PRKN: variants seen among roughly 807,000 people sequenced by gnomAD.
The protein encoded by PRKN is parkin RBR E3 ubiquitin protein ligase.
A neutral mutation model predicts 59.5 loss-of-function variants in PRKN; 56 were observed. The observed-to-expected ratio is 0.94, with a 90% CI of 0.76 to 1.18. PRKN has a LOEUF of 1.18. Among genes scored for constraint, PRKN ranks in the 50% most tolerant of loss-of-function variants. The probability of loss-of-function intolerance (pLI) is 0.00; values close to 1 mark genes in which losing one functional copy is unlikely to be tolerated. For missense variants in PRKN, 657 were observed against 596.4 expected (o/e 1.10, Z -1.06); for synonymous variants, 250 against 222.1 (o/e 1.13, Z -1.12).
At chr6:162,047,689 A>G (rs1486733617) in intron 5 of PRKN, among the ~76,000 whole-genome samples, 1 of 152,230 alleles carries the variant, frequency 6.6e-6, no homozygotes, top group Non-Finnish European at 1.5e-5. Context: ...TAGTAATTTG[A>G]TCAAACTAAA....
At chr6:162,500,335 C>G (rs1172143845) in intron 1 of PRKN, among the ~76,000 whole-genome samples, 1 of 152,036 alleles carries the variant, frequency 6.6e-6, no homozygotes, top group Non-Finnish European at 1.5e-5. Context: ...CCACGCCCAG[C>G]TAATTTTTTG....
intron 4 of PRKN, among the ~76,000 whole-genome samples, chr6:162,078,162 T>C (rs1778911672): frequency 6.7e-6 from 1 of 148,400 alleles, no homozygotes; most frequent in Non-Finnish European, 1.5e-5. Flanking sequence ...AAAAAATGTA[T>C]GGTATCAGCC....
At chr6:162,512,327 A>C (rs1410707668) in intron 1 of PRKN, among the ~76,000 whole-genome samples, 1 of 152,198 alleles carries the variant, frequency 6.6e-6, no homozygotes, top group African/African-American at 2.4e-5. Flanking sequence ...TTACTCACAA[A>C]AGGGGGGAAA....
At chr6:162,488,981 C>T (rs1792681868) in intron 1 of PRKN, among the ~76,000 whole-genome samples, 3 of 151,982 alleles carry the variant, frequency 2.0e-5, no homozygotes, top group Non-Finnish European at 2.9e-5. Flanking sequence ...TGTGGAGATC[C>T]AGGATAAGCC....
At chr6:161,703,269 G>A (rs888600296) in intron 7 of PRKN, among the ~76,000 whole-genome samples, 2 of 152,122 alleles carry the variant, frequency 1.3e-5, no homozygotes, top group Non-Finnish European at 2.9e-5. Context: ...ACTCCAGCCA[G>A]GGCAATGGAC....
At chr6:162,067,098 C>T (rs1472340726) in intron 4 of PRKN, among the ~76,000 whole-genome samples, 4 of 152,126 alleles carry the variant, frequency 2.6e-5, no homozygotes, top group African/African-American at 9.7e-5. Context: ...ATACATAGTG[C>T]ATCTTGAACC....
chr6:162,421,698 G>C (rs1176278463), intron 2 of PRKN, among the ~76,000 whole-genome samples: 3 of 152,042 alleles, frequency 2.0e-5, no homozygotes, highest in Admixed American at 2.0e-4. Context: ...ACGCATTACA[G>C]GAAAACAGCA....
intron 4 of PRKN, among the ~76,000 whole-genome samples, chr6:162,138,971 G>T (rs1235451737): frequency 6.6e-6 from 1 of 152,172 alleles, no homozygotes; most frequent in Admixed American, 6.5e-5. Flanking sequence ...AGCAAAGCTT[G>T]AGAATTTTTA....
At chr6:162,129,165 T>C (rs888028741) in intron 4 of PRKN, among the ~76,000 whole-genome samples, 1 of 152,192 alleles carries the variant, frequency 6.6e-6, no homozygotes, top group African/African-American at 2.4e-5. Flanking sequence ...TCAGATTTTA[T>C]CAGAATTTAC....
At chr6:162,358,664 T>A (rs1784984057) in intron 2 of PRKN, among the ~76,000 whole-genome samples, 1 of 152,140 alleles carries the variant, frequency 6.6e-6, no homozygotes, top group Non-Finnish European at 1.5e-5. Context: ...AGTGGATGCA[T>A]TCAGTTCTCT....
chr6:161,404,778 T>C (rs1456874492), intron 9 of PRKN, among the ~76,000 whole-genome samples: 1 of 152,214 alleles, frequency 6.6e-6, no homozygotes, highest in African/African-American at 2.4e-5. Context: ...AGGATTGAAA[T>C]GCTTATTCAG....
chr6:161,425,798 A>C (rs182970506), intron 9 of PRKN, among the ~76,000 whole-genome samples: 10 of 152,304 alleles, frequency 6.6e-5, no homozygotes, highest in African/African-American at 2.4e-4. Flanking sequence ...TAGGTTGTAT[A>C]ATATAGACGA....
At chr6:162,505,078 TAA>T (rs1425245175) in intron 1 of PRKN, among the ~76,000 whole-genome samples, 7 of 152,172 alleles carry the variant, frequency 4.6e-5, no homozygotes, top group African/African-American at 1.7e-4. Context: ...AGCACTTCCA[TAA>T]ACTGCCAGTG....
intron 7 of PRKN, among the ~76,000 whole-genome samples, chr6:161,709,954 T>G (rs1786669456): frequency 6.6e-6 from 1 of 152,114 alleles, no homozygotes; most frequent in Non-Finnish European, 1.5e-5. Context: ...TAAGCAAAAT[T>G]ATCACTCTTC....
At chr6:162,600,151 T>C (rs1781644533) in intron 1 of PRKN, among the ~76,000 whole-genome samples, 1 of 152,150 alleles carries the variant, frequency 6.6e-6, no homozygotes, top group African/African-American at 2.4e-5. Context: ...CAGCGTTCCC[T>C]AACTCTCAGC....
chr6:161,850,574 C>CAAAAAAAA (rs10651778), intron 6 of PRKN, among the ~76,000 whole-genome samples: 13 of 88,244 alleles, frequency 1.5e-4, no homozygotes, highest in African/African-American at 6.0e-4. Context: ...GACTACGTCT[C>CAAAAAAAA]AAAAAAAAAA....
chr6:162,003,503 T>C (rs1399772471), intron 5 of PRKN, among the ~76,000 whole-genome samples: 1 of 152,158 alleles, frequency 6.6e-6, no homozygotes, highest in Non-Finnish European at 1.5e-5. Context: ...CTTCAAGGTT[T>C]AGGTGGTAGA....
intron 6 of PRKN, among the ~76,000 whole-genome samples, chr6:161,967,019 A>G (rs1391127021): frequency 3.3e-5 from 5 of 152,086 alleles, no homozygotes; most frequent in African/African-American, 1.2e-4. Flanking sequence ...TTTAGTAGAG[A>G]TGGGGTTTCA....
chr6:161,830,706 G>A (rs1044383817), intron 6 of PRKN, among the ~76,000 whole-genome samples: 1 of 152,170 alleles, frequency 6.6e-6, no homozygotes, highest in African/African-American at 2.4e-5. Context: ...TATACCCATT[G>A]TGAAACGGCT....
Sources: gnomAD v4.1 joint callset for allele counts (sites outside exome capture counted in the v4.1 genomes callset) on GRCh38, gnomAD v4.1.1 for gene constraint, MANE v1.5 for transcripts, NCBI Gene and HGNC (gene_info 2026-07-23, HGNC 2026-07-21) for gene names.